Variants in KCNC4 observed in about 807,000 individuals in gnomAD.
KCNC4 encodes voltage-gated potassium channel KCNC4.
Under a neutral mutation model 42.8 loss-of-function variants are expected in KCNC4, and 23 were observed. That is an observed-to-expected ratio of 0.54 (90% CI 0.39 to 0.76). The LOEUF is 0.76. Among genes scored for constraint, KCNC4 ranks in the 30% least tolerant of loss-of-function variants. The pLI, the probability that KCNC4 is intolerant of heterozygous loss-of-function variation, is 0.00. For synonymous variants in KCNC4, 422 were observed against 393.5 expected, an observed-to-expected ratio of 1.07 and a Z score of -0.86; for missense variants, 751 against 898.2, an observed-to-expected ratio of 0.84 and a Z score of 2.10.
chr1:110,253,991 C>G (rs1420119509), downstream of KCNC4, among the ~76,000 whole-genome samples: 1 of 151,944 alleles, frequency 6.6e-6, no homozygotes, highest in African/African-American at 2.4e-5. Flanking sequence ...AGACCAAGCT[C>G]CAGGTACCCT....
intron 1 of KCNC4, among the ~76,000 whole-genome samples, chr1:110,272,076 C>T (rs1659645967): frequency 6.6e-6 from 1 of 152,308 alleles, no homozygotes; most frequent in East Asian, 1.9e-4. Context: ...GGGTACCTGG[C>T]CCACTCCATC....
At chr1:110,267,773 A>T (rs1474381850) in intron 1 of KCNC4, among the ~76,000 whole-genome samples, 1 of 152,168 alleles carries the variant, frequency 6.6e-6, no homozygotes, top group African/African-American at 2.4e-5. Context: ...CTTGCTTCTA[A>T]CCTCACAGGC....
At chr1:110,232,877 C>T (rs748638077) in intron 3 of KCNC4, 34 bp from the exon 4 acceptor site, 3 of 1,598,718 alleles carry the variant, frequency 1.9e-6, no homozygotes, top group East Asian at 2.3e-5. Flanking sequence ...AAGCGTGCGT[C>T]CCAGTGTCTC....
chr1:110,272,350 G>C (rs1026411956), intron 1 of KCNC4: 2 of 152,222 alleles, frequency 1.3e-5, no homozygotes, highest in African/African-American at 4.8e-5. Flanking sequence ...GCTGTAAACA[G>C]GCTGAAGTCA....
At chr1:110,272,715 G>T (rs76080413) in intron 1 of KCNC4, 43,906 of 151,796 alleles carry the variant, frequency 0.29, 6,761 homozygotes, top group Admixed American at 0.42. Context: ...AAGAGAAAAA[G>T]AGGGGTTGGG....
At chr1:110,232,572 C>T in intron 3 of KCNC4, 2 of 1,435,132 alleles carry the variant, frequency 1.4e-6, no homozygotes, top group Non-Finnish European at 1.8e-6. Flanking sequence ...GCTAGTGGTT[C>T]CTGGAGCTAG....
Position 110,265,767 on chromosome 1 carries a change from C to A in KCNC4, n.31-16767C>A, listed in dbSNP as rs1659531793. Among the ~76,000 whole-genome samples the A allele has an allele frequency of 2.0e-5, 3 of 152,114 alleles. No individual in the cohort carries two copies. In the South Asian group the frequency reaches 6.2e-4, roughly 32 times the overall value. ...GGGTAGGTCCTGCCCAGCACTAGAC[C>A]CTCTCCTCCTGAAAACACGGAGAAA... On this transcript the variant is annotated intron_variant and non_coding_transcript_variant, in intron 1 of 2. Transcript: ENST00000412512.
In KCNC4 at chr1:110,233,158, A is replaced by G; in HGVS notation, c.*186A>G. ...CCATCTGGGTCTGATGTTCTGTTCCATTGTACATCGAAGAGATATATATGC... is the reference window on the plus strand; with the variant it reads ...CCATCTGGGTCTGATGTTCTGTTCCGTTGTACATCGAAGAGATATATATGC... On this transcript the variant is annotated 3_prime_UTR_variant, in exon 4 of 4. Transcript: ENST00000438661. The G allele has an allele frequency of 1.5e-6, 1 of 649,814 alleles. No individual in the cohort carries two copies. Among genetic ancestry groups the G allele is most frequent in the Non-Finnish European group, 2.7e-6 (1 of 375,950 alleles). The allele number at this position is 649,814 out of a possible 1,614,324, so 40.3% of individuals were successfully genotyped here.
intron 1 of KCNC4, among the ~76,000 whole-genome samples, chr1:110,254,233 C>T (rs1659295010): frequency 6.6e-6 from 1 of 152,138 alleles, no homozygotes; most frequent in Admixed American, 6.5e-5. Flanking sequence ...TGAAACCATT[C>T]CCATTCTCAG....
Position 110,210,697 on chromosome 1 carries a change from C to T in KCNC4, c.-803C>T, listed in dbSNP as rs969642149. On this transcript the variant is annotated 5_prime_UTR_variant, in exon 1 of 4. Transcript: ENST00000438661. ...GACGCCCCGTCTGAGGCACCCCCGC[C>T]CCAGCGCGGCCCCCGCAGCGCTGCG... is the stretch of plus-strand genomic sequence containing the variant. Among the ~76,000 whole-genome samples, 8 of 151,272 alleles carry T rather than the reference C, an allele frequency of 5.3e-5. No individual in the cohort carries two copies. The highest frequency in any genetic ancestry group is 5.3e-4 in the Admixed American group (8 of 15,192).
intron 1 of KCNC4, among the ~76,000 whole-genome samples, chr1:110,269,309 A>G (rs920180574): frequency 6.6e-6 from 1 of 152,148 alleles, no homozygotes; most frequent in African/African-American, 2.4e-5. Context: ...ACATTCTCTC[A>G]TATACCTTTA....
At chr1:110,259,907 A>G (rs998146557) in intron 1 of KCNC4, among the ~76,000 whole-genome samples, 1 of 152,058 alleles carries the variant, frequency 6.6e-6, no homozygotes, top group Non-Finnish European at 1.5e-5. Flanking sequence ...GTGATTGCAG[A>G]CTCGCCAACC....
At chr1:110,266,007 A>G (rs886707343) in intron 1 of KCNC4, among the ~76,000 whole-genome samples, 1 of 152,226 alleles carries the variant, frequency 6.6e-6, no homozygotes, top group Admixed American at 6.5e-5. Context: ...CCCTTTTCAC[A>G]TAGAGAGCTA....
chr1:110,210,770 CTCCTGCGGGCGCGCTTGTTT>C lies in KCNC4; in HGVS notation c.-726_-707del, dbSNP rs1657392801. On this transcript the variant is annotated 5_prime_UTR_variant, in exon 1 of 4. An upstream open reading frame in the 5' UTR loses its in-frame stop. Coordinates refer to ENST00000438661, the MANE Select transcript of KCNC4 (RefSeq NM_001039574.3). The stretch of plus-strand genomic sequence containing the variant: ...CCGCGGACGCAGGACCCGAGGCTCG[CTCCTGCGGGCGCGCTTGTTT>C]TCCAGCTGCCGCCTCGCCCTGCGCA... 6.6e-6 allele frequency among the ~76,000 whole-genome samples: 1 copy of C among 151,778 alleles called. No individual in the cohort carries two copies. The highest frequency in any genetic ancestry group is 2.4e-5 in the African/African-American group (1 of 41,386).
At chr1:110,246,392 G>T (rs544911596) in exon 4 of KCNC4, 4 of 152,186 alleles carry the variant, frequency 2.6e-5, no homozygotes, top group Non-Finnish European at 5.9e-5. Flanking sequence ...GTGACTAGAG[G>T]GTAGGGAGTT....
chr1:110,222,948 C>T lies in KCNC4; in HGVS notation c.679-16C>T, dbSNP rs1185244507. The T allele has an allele frequency of 6.3e-7, 1 of 1,599,068 alleles. No homozygotes were observed. The stretch of plus-strand genomic sequence containing the variant: ...CTGTCTGACAGCTGCCCCCTGCTCT[C>T]CTCCCCTGCCCATAGGTAGTGGCCT... On this transcript the variant is annotated splice_polypyrimidine_tract_variant and intron_variant, in intron 1 of 3. Transcript: ENST00000438661.
chr1:110,268,212 C>T (rs1332631120), intron 1 of KCNC4, among the ~76,000 whole-genome samples: 1 of 152,234 alleles, frequency 6.6e-6, no homozygotes, highest in Non-Finnish European at 1.5e-5. Context: ...CAGTACCTGA[C>T]TCAGCTGCAC....
At chr1:110,241,786 T>C (rs1659039540) in exon 4 of KCNC4, 1 of 152,248 alleles carries the variant, frequency 6.6e-6, no homozygotes, top group African/African-American at 2.4e-5. Flanking sequence ...AGAATTCCTC[T>C]GTCCTTTATG....
chr1:110,222,937 C>T (rs1448752567), intron 1 of KCNC4, 27 bp from the exon 2 acceptor site: 1 of 1,564,920 alleles, frequency 6.4e-7, no homozygotes, highest in Non-Finnish European at 8.8e-7. Flanking sequence ...CTGACAGCTG[C>T]CCCCTGCTCT....
Sources: gnomAD v4.1 joint callset for allele counts (sites outside exome capture counted in the v4.1 genomes callset) on GRCh38, gnomAD v4.1.1 for gene constraint, MANE v1.5 for transcripts, NCBI Gene and HGNC (gene_info 2026-07-23, HGNC 2026-07-21) for gene names.